TECR: variants seen among roughly 807,000 people sequenced by gnomAD.
TECR encodes trans-2,3-enoyl-CoA reductase, also known as very-long-chain enoyl-CoA reductase.
In TECR, 19 loss-of-function variants were observed where a neutral mutation model predicts 50.6. The observed-to-expected ratio is 0.38, with a 90% confidence interval of 0.26 to 0.55. The LOEUF is 0.55. Among genes scored for constraint, TECR ranks in the 20% least tolerant of loss-of-function variants. TECR has a pLI of 0.79. For missense variants in TECR, 313 were observed against 408.3 expected, an observed-to-expected ratio of 0.77 and a Z score of 2.01; for synonymous variants, 168 against 163.5, an observed-to-expected ratio of 1.03 and a Z score of -0.21.
At chr19:14,556,108 C>T (rs975162388) in intron 1 of TECR, among the ~76,000 whole-genome samples, 1 of 152,162 alleles carries the variant, frequency 6.6e-6, no homozygotes, top group African/African-American at 2.4e-5. Context: ...TGGCACAGAC[C>T]GCCACATCAC....
intron 1 of TECR, among the ~76,000 whole-genome samples, chr19:14,556,775 C>T (rs369959803): frequency 5.9e-5 from 9 of 152,306 alleles, no homozygotes; most frequent in African/African-American, 1.9e-4. Context: ...GTTCCTGAGC[C>T]GGCTGCTGCG....
chr19:14,564,002 G>C lies in TECR; in HGVS notation c.288G>C (p.Ala96=). The change falls in exon 6 of 13, where the codon GCG becomes GCC. Residue 96 remains alanine, a synonymous_variant. Transcript: ENST00000215567. ...SWVTVFLTEY[A]GPLFIYLLFY... ...CTCAGGTCTTCCTAACAGAGTACGC[G>C]GGGCCCCTTTTCATCTACCTGCTCT... 6.2e-7 allele frequency: 1 copy of C among 1,613,972 alleles called. No homozygotes were observed. Among genetic ancestry groups the C allele is most frequent in the South Asian group, 1.1e-5 (1 of 91,086 alleles).
intron 1 of TECR, among the ~76,000 whole-genome samples, chr19:14,549,004 TA>T (rs983521045): frequency 7.1e-6 from 1 of 140,022 alleles, no homozygotes; most frequent in African/African-American, 3.0e-5. Flanking sequence ...TATCATGAAA[TA>T]GGTTTCTTTG....
intron 7 of TECR, 94 bp downstream of exon 7, chr19:14,564,381 T>C (rs1227233205): frequency 2.6e-5 from 25 of 966,384 alleles, no homozygotes; most frequent in Non-Finnish European, 3.4e-5. Flanking sequence ...CCTTCCTGTC[T>C]GCCACTACGC....
At chr19:14,555,601 A>G (rs185828340) in intron 1 of TECR, among the ~76,000 whole-genome samples, 86 of 151,862 alleles carry the variant, frequency 5.7e-4, no homozygotes, top group African/African-American at 2.0e-3. Flanking sequence ...GTGTGCCACC[A>G]CACTTGGCTA....
chr19:14,536,246 G>C (rs2072893590), intron 1 of TECR, among the ~76,000 whole-genome samples: 1 of 151,330 alleles, frequency 6.6e-6, no homozygotes. Flanking sequence ...CCACGGGCAA[G>C]GTCTTTAGTT....
At chr19:14,540,935 A>G (rs1384026819) in intron 1 of TECR, among the ~76,000 whole-genome samples, 1 of 151,862 alleles carries the variant, frequency 6.6e-6, no homozygotes, top group Non-Finnish European at 1.5e-5. Flanking sequence ...TCCGGTTTCA[A>G]GCCATTCTTT....
Position 14,565,423 on chromosome 19 carries a change from G to A in TECR, c.753+133G>A, listed in dbSNP as rs572914251. ...CTGCGAGCATTGGGAGGTGGAGACC[G>A]CGGCCTCTCTGCTGTGGTGGCGGGG... On this transcript the variant is annotated intron_variant, in intron 11 of 12. Coordinates refer to ENST00000215567, the MANE Select transcript of TECR (RefSeq NM_138501.6). The A allele has an allele frequency of 1.0e-4, 140 of 1,364,956 alleles. No individual in the cohort carries two copies. In the African/African-American group the frequency reaches 1.5e-3, roughly 15 times the overall value. The allele number at this position is 1,364,956 out of a possible 1,614,324, so 84.6% of individuals were successfully genotyped here.
intron 1 of TECR, among the ~76,000 whole-genome samples, chr19:14,550,404 T>G (rs914434573): frequency 6.6e-6 from 1 of 152,086 alleles, no homozygotes; most frequent in African/African-American, 2.4e-5. Context: ...ACTCGGGCAG[T>G]CGGGGGTTGG....
intron 1 of TECR, among the ~76,000 whole-genome samples, chr19:14,551,995 G>T: frequency 1.0e-5 from 1 of 97,492 alleles, no homozygotes. Flanking sequence ...TTTTTTTTGA[G>T]ATGGAGTCTC....
chr19:14,565,515 G>T (rs1464508302), intron 11 of TECR, 103 bp from the exon 12 acceptor site: 2 of 1,524,012 alleles, frequency 1.3e-6, no homozygotes, highest in Non-Finnish European at 1.8e-6. Flanking sequence ...TCCCATCCCT[G>T]ACTCAGAAAG....
intron 1 of TECR, among the ~76,000 whole-genome samples, chr19:14,547,076 C>T (rs1424692286): frequency 3.3e-5 from 5 of 152,010 alleles, no homozygotes. Context: ...ATAATAAGAT[C>T]CTATGAAGGA....
chr19:14,563,466 C>T lies in TECR; in HGVS notation c.119-192C>T. On this transcript the variant is annotated intron_variant, in intron 3 of 12. Transcript: ENST00000215567. The surrounding 1 kb of genome is among the most constrained non-coding windows in gnomAD (Gnocchi z 5.3). ...AGGCTCTGGGAAGGACAAGATCCTG[C>T]TTCTGCCCGCGCTCTTCTGGCTTGT... The T allele has an allele frequency of 2.4e-6, 2 of 839,550 alleles. No individual in the cohort carries two copies. The highest frequency in any genetic ancestry group is 3.8e-6 in the Non-Finnish European group (2 of 522,950). 52.0% of individuals were successfully genotyped at this position (839,550 alleles called of 1,614,324 possible).
chr19:14,554,705 C>T (rs1289991166), intron 1 of TECR, among the ~76,000 whole-genome samples: 1 of 152,102 alleles, frequency 6.6e-6, no homozygotes, highest in Non-Finnish European at 1.5e-5. Context: ...CTCTCATCCC[C>T]ACACCCACTC....
chr19:14,553,048 A>G (rs1463460404), intron 1 of TECR, among the ~76,000 whole-genome samples: 4 of 151,984 alleles, frequency 2.6e-5, no homozygotes, highest in African/African-American at 9.7e-5. Context: ...GGGCAGGCCC[A>G]GGGCTGAGAC....
intron 1 of TECR, among the ~76,000 whole-genome samples, chr19:14,552,756 T>G (rs1280423610): frequency 6.6e-6 from 1 of 151,782 alleles, no homozygotes; most frequent in East Asian, 1.9e-4. Flanking sequence ...CAGGATGGTC[T>G]TGATCTCCTG....
At chr19:14,562,941 T>A (rs954231305) in intron 2 of TECR, among the ~76,000 whole-genome samples, 1 of 152,028 alleles carries the variant, frequency 6.6e-6, no homozygotes, top group South Asian at 2.1e-4. Context: ...AGAAGCAGGC[T>A]TGCCTTCCCA....
chr19:14,564,731 C>G (rs1351459951), intron 7 of TECR, 55 bp from the exon 8 acceptor site: 21 of 1,542,398 alleles, frequency 1.4e-5, no homozygotes, highest in Non-Finnish European at 1.9e-5. Flanking sequence ...ACATGGGCAG[C>G]ATCTGCCTTG....
At chr19:14,545,337 G>A (rs1005078380) in intron 1 of TECR, among the ~76,000 whole-genome samples, 2 of 152,192 alleles carry the variant, frequency 1.3e-5, no homozygotes, top group African/African-American at 4.8e-5. Flanking sequence ...GCCTCATGCT[G>A]GCCCTCAGCT....
Sources: allele counts gnomAD v4.1 joint callset (sites outside exome capture counted in the v4.1 genomes callset), GRCh38; gene constraint gnomAD v4.1.1; non-coding constraint Gnocchi (gnomAD v3.1); transcripts MANE v1.5; gene names NCBI Gene and HGNC (gene_info 2026-07-23, HGNC 2026-07-21).